CTNNA2: variants seen among roughly 807,000 people sequenced by gnomAD.
CTNNA2 encodes catenin alpha-2.
A neutral mutation model predicts 101.0 loss-of-function variants in CTNNA2; 42 were observed. The observed-to-expected ratio is 0.42, with a 90% CI of 0.32 to 0.54. CTNNA2 has a LOEUF of 0.54. Ranked by LOEUF, CTNNA2 falls within the 20% of genes least tolerant of loss-of-function variation. The pLI, the probability that CTNNA2 is intolerant of heterozygous loss-of-function variation, is 0.14. For synonymous variants in CTNNA2, 450 were observed against 456.4 expected (o/e 0.99, Z 0.18); for missense variants, 871 against 1,223.1 (o/e 0.71, Z 4.29).
intron 7 of CTNNA2, among the ~76,000 whole-genome samples, chr2:80,052,805 GACAA>G (rs1696963262): frequency 2.0e-5 from 3 of 152,202 alleles, no homozygotes; most frequent in Admixed American, 2.0e-4. Flanking sequence ...GACCATTTGA[GACAA>G]ACGTCCTTTC....
At chr2:79,836,090 A>G (rs1374716128) in intron 3 of CTNNA2, among the ~76,000 whole-genome samples, 5 of 151,996 alleles carry the variant, frequency 3.3e-5, no homozygotes, top group African/African-American at 7.2e-5. Context: ...TCAGCCTTGT[A>G]TGGAAGGGAT....
intron 9 of CTNNA2, among the ~76,000 whole-genome samples, chr2:80,430,682 A>T (rs539644914): frequency 1.1e-3 from 164 of 152,316 alleles, no homozygotes; most frequent in African/African-American, 3.8e-3. Context: ...TTCCCAGGAA[A>T]CTGGCATCTG....
intron 2 of CTNNA2, among the ~76,000 whole-genome samples, chr2:79,732,049 G>A (rs990776402): frequency 1.3e-5 from 2 of 151,832 alleles, no homozygotes; most frequent in African/African-American, 4.8e-5. Flanking sequence ...GTTTTTGTAA[G>A]CTTATTTAAA....
At chr2:80,610,892 A>G (rs958784769) in intron 17 of CTNNA2, among the ~76,000 whole-genome samples, 2 of 151,636 alleles carry the variant, frequency 1.3e-5, no homozygotes, top group Admixed American at 6.6e-5. Context: ...AAAGCTCTCC[A>G]GGCATCATGA....
At chr2:79,387,521 T>A (rs1419717986) in intron 4 of CTNNA2, among the ~76,000 whole-genome samples, 1 of 152,142 alleles carries the variant, frequency 6.6e-6, no homozygotes, top group Non-Finnish European at 1.5e-5. Flanking sequence ...GGAAAATGGA[T>A]CTAGCTTCAG....
chr2:79,500,030 C>T (rs1409745073), intron 4 of CTNNA2, among the ~76,000 whole-genome samples: 2 of 152,142 alleles, frequency 1.3e-5, no homozygotes, highest in East Asian at 3.9e-4. Context: ...ATGAGGACCA[C>T]CCACATTATG....
In CTNNA2 at chr2:79,652,092, T is replaced by G. The variant is rs191111266; in HGVS notation, c.102+434T>G. On this transcript the variant is annotated intron_variant, in intron 2 of 18. Transcript: ENST00000402739. ...CCTGTTGGAGTGATGAGATGTTCCA[T>G]TTTTGTGTTGTCACAGTTGTCACAT... 2.0e-5 allele frequency among the ~76,000 whole-genome samples: 3 copies of G among 152,334 alleles called. No homozygotes were observed. The East Asian group carries it at 5.8e-4, about 29-fold the overall frequency.
intron 7 of CTNNA2, among the ~76,000 whole-genome samples, chr2:80,165,288 T>A (rs1199558709): frequency 2.0e-5 from 3 of 151,728 alleles, no homozygotes; most frequent in Non-Finnish European, 4.4e-5. Flanking sequence ...AGTTCCTGAT[T>A]TTTTTCTTTC....
intron 7 of CTNNA2, among the ~76,000 whole-genome samples, chr2:79,929,542 G>A (rs1687247950): frequency 2.0e-5 from 3 of 152,204 alleles, no homozygotes; most frequent in Admixed American, 2.0e-4. Flanking sequence ...TGTGTTGTGA[G>A]CATTTAGCAG....
intron 3 of CTNNA2, among the ~76,000 whole-genome samples, chr2:79,823,977 C>T (rs1258968052): frequency 6.6e-6 from 1 of 152,068 alleles, no homozygotes; most frequent in Non-Finnish European, 1.5e-5. Flanking sequence ...ATGCAAGGAC[C>T]TCTGTCTGTT....
At chr2:79,919,743 G>A (rs71424898) in intron 7 of CTNNA2, among the ~76,000 whole-genome samples, 5,767 of 152,258 alleles carry the variant, frequency 0.038, 135 homozygotes, top group South Asian at 0.05. Context: ...TGGATCTCTC[G>A]TTCCCGAATG....
Position 80,544,992 on chromosome 2 carries a change from T to A in CTNNA2, c.1301T>A (p.Leu434Ter). 1 of 1,613,946 alleles carries A rather than the reference T, an allele frequency of 6.2e-7. No homozygotes were observed. The highest frequency in any genetic ancestry group is 8.5e-7 in the Non-Finnish European group (1 of 1,179,916). The change falls in exon 10 of 19, where the codon TTG becomes TAG. Residue 434 changes from leucine (L) to a stop codon, truncating the protein, a stop_gained. Transcript: ENST00000402739. LOFTEE classifies it high-confidence loss of function. ...HANKLVEVAN[L>*]ACSISNNEEG... is the part of the protein sequence containing the mutation. Reference sequence around the variant, plus strand: ...TCCTCTTCAATACAGGTTGCCAATTTGGCCTGTTCCATCTCCAACAATGAA... The same window carrying A: ...TCCTCTTCAATACAGGTTGCCAATTAGGCCTGTTCCATCTCCAACAATGAA...
chr2:79,613,866 T>G (rs1366277687), intron 1 of CTNNA2, among the ~76,000 whole-genome samples: 2 of 152,100 alleles, frequency 1.3e-5, no homozygotes, highest in Non-Finnish European at 2.9e-5. Context: ...TCTAAATTAG[T>G]CTCCACACCA....
chr2:79,597,892 C>G (rs1677305277), intron 1 of CTNNA2, among the ~76,000 whole-genome samples: 1 of 152,182 alleles, frequency 6.6e-6, no homozygotes, highest in South Asian at 2.1e-4. Flanking sequence ...TGATATCATA[C>G]AGAATAGTTT....
chr2:79,710,234 G>C (rs1341929538), intron 2 of CTNNA2, among the ~76,000 whole-genome samples: 1 of 151,762 alleles, frequency 6.6e-6, no homozygotes, highest in Admixed American at 6.6e-5. Context: ...CTTCACAGTT[G>C]CCTTATCATA....
chr2:80,090,356 A>G (rs1006632729), intron 7 of CTNNA2, among the ~76,000 whole-genome samples: 3 of 151,990 alleles, frequency 2.0e-5, no homozygotes, highest in Non-Finnish European at 4.4e-5. Context: ...ACTAAAGAAT[A>G]GACAGACAGT....
intron 7 of CTNNA2, among the ~76,000 whole-genome samples, chr2:80,142,520 A>G (rs1703077995): frequency 6.6e-6 from 1 of 152,218 alleles, no homozygotes; most frequent in South Asian, 2.1e-4. Flanking sequence ...TGAAGGAAAG[A>G]AGACGTAATG....
intron 7 of CTNNA2, among the ~76,000 whole-genome samples, chr2:80,232,176 G>A (rs6719422): frequency 0.14 from 20,569 of 151,840 alleles, 3,378 homozygotes; most frequent in African/African-American, 0.39. Context: ...GATTAACATC[G>A]TAAGTCTCTC....
chr2:79,218,029 T>G (rs1043625839), intron 2 of CTNNA2, among the ~76,000 whole-genome samples: 4 of 152,252 alleles, frequency 2.6e-5, no homozygotes, highest in Non-Finnish European at 5.9e-5. Flanking sequence ...CTTCCATGAT[T>G]CAGGCAATTC....
Sources: allele counts gnomAD v4.1 joint callset (sites outside exome capture counted in the v4.1 genomes callset), GRCh38; gene constraint gnomAD v4.1.1; transcripts MANE v1.5; gene names NCBI Gene and HGNC (gene_info 2026-07-23, HGNC 2026-07-21).